Variants in AOAH observed in about 807,000 individuals in gnomAD.
AOAH encodes the protein acyloxyacyl hydrolase (neutrophil).
AOAH carries 64 observed loss-of-function variants against 92.2 expected under a neutral mutation model. That is an observed-to-expected ratio of 0.69 (90% CI 0.57 to 0.86). AOAH has a LOEUF of 0.86. Among genes scored for constraint, AOAH ranks in the 40% least tolerant of loss-of-function variants. The probability of loss-of-function intolerance (pLI) is 0.00; values close to 1 mark genes in which losing one functional copy is unlikely to be tolerated. For synonymous variants in AOAH, 263 were observed against 254.5 expected, an observed-to-expected ratio of 1.03 and a Z score of -0.32; for missense variants, 656 against 694.6, an observed-to-expected ratio of 0.94 and a Z score of 0.62.
chr7:36,711,312 C>T (rs2116965211), intron 1 of AOAH, among the ~76,000 whole-genome samples: 1 of 152,044 alleles, frequency 6.6e-6, no homozygotes. Context: ...TTCCCTTTTC[C>T]ATAACAAATT....
intron 11 of AOAH, among the ~76,000 whole-genome samples, chr7:36,597,533 C>A (rs1264202738): frequency 6.6e-6 from 1 of 152,144 alleles, no homozygotes; most frequent in Non-Finnish European, 1.5e-5. Flanking sequence ...AAGTGGCTTG[C>A]GAGATGCAGG....
chr7:36,618,341 A>G lies in AOAH; in HGVS notation c.707T>C (p.Val236Ala), dbSNP rs1225695763. The change falls in exon 10 of 21, where the codon GTC becomes GCC. Residue 236 changes from valine to alanine, a missense_variant. By Grantham distance (64) the Val-to-Ala change is moderately conservative (BLOSUM62 0). Coordinates refer to ENST00000617537, the MANE Select transcript of AOAH (RefSeq NM_001637.4). ...QDSNCNGIWG[V>A]DPKDGVPYEK... ...ATATGGAACTCCATCTTTTGGATCG[A>G]CACCCTTTAAAAAAGAAACGATGTG... The G allele has an allele frequency of 6.2e-7, 1 of 1,614,034 alleles. No homozygotes were observed. The highest frequency in any genetic ancestry group is 1.1e-5 in the South Asian group (1 of 91,078).
intron 3 of AOAH, among the ~76,000 whole-genome samples, chr7:36,670,859 AGTATT>A (rs10540242): frequency 0.78 from 118,713 of 151,628 alleles, 46,850 homozygotes; most frequent in East Asian, 0.93. Flanking sequence ...TGCAGTGATG[AGTATT>A]GTGTCTGTCC....
chr7:36,539,863 C>T (rs772309589), intron 16 of AOAH, among the ~76,000 whole-genome samples: 3 of 152,122 alleles, frequency 2.0e-5, no homozygotes, highest in Non-Finnish European at 4.4e-5. Flanking sequence ...TAAAGCCTTT[C>T]GGAGCTAAGG....
rs117555673 is a variant in AOAH at position 36,564,674 on chromosome 7, C to A, written c.1021+11900G>T. On this transcript the variant is annotated intron_variant, in intron 13 of 20. Transcript: ENST00000617537. ...CCCGCTAGGACTTCAGGAGCCCTGG[C>A]CATTGCCAATGACATTAAAAACATG... Among the ~76,000 whole-genome samples, 1,145 of 152,364 alleles carry A rather than the reference C, an allele frequency of 7.5e-3. 7 individuals carry two copies. The highest frequency in any genetic ancestry group is 0.017 in the Middle Eastern group (5 of 294).
chr7:36,622,977 T>C (rs1792391871), intron 7 of AOAH, among the ~76,000 whole-genome samples: 1 of 152,104 alleles, frequency 6.6e-6, no homozygotes, highest in African/African-American at 2.4e-5. Flanking sequence ...GAGGCAGAGG[T>C]TGCAGTGAGT....
chr7:36,629,994 C>A (rs533461351), intron 6 of AOAH, among the ~76,000 whole-genome samples: 1 of 152,216 alleles, frequency 6.6e-6, no homozygotes, highest in African/African-American at 2.4e-5. Context: ...TGAGTGGTGT[C>A]CTTGTAAAAG....
chr7:36,650,274 T>C (rs1380271230), intron 4 of AOAH, among the ~76,000 whole-genome samples: 1 of 152,218 alleles, frequency 6.6e-6, no homozygotes, highest in Non-Finnish European at 1.5e-5. Context: ...CTAAAACTTC[T>C]AGTTCTCTCT....
intron 5 of AOAH, among the ~76,000 whole-genome samples, chr7:36,636,078 A>C (rs1793501523): frequency 6.6e-6 from 1 of 152,324 alleles, no homozygotes; most frequent in South Asian, 2.1e-4. Flanking sequence ...TATGGAACCT[A>C]CTGAGTGCAG....
intron 13 of AOAH, among the ~76,000 whole-genome samples, chr7:36,568,549 T>C (rs147189570): frequency 1.0e-3 from 157 of 152,300 alleles, no homozygotes; most frequent in African/African-American, 3.7e-3. Context: ...CAGTGCTGTG[T>C]TGAGAAAACA....
chr7:36,560,343 T>C (rs1562569537), intron 13 of AOAH, among the ~76,000 whole-genome samples: 1 of 152,238 alleles, frequency 6.6e-6, no homozygotes, highest in Non-Finnish European at 1.5e-5. Context: ...ATTTTAACAA[T>C]ATTGATTCTT....
intron 6 of AOAH, 74 bp downstream of exon 6, chr7:36,631,962 G>T (rs1793140615): frequency 1.7e-6 from 2 of 1,167,040 alleles, no homozygotes; most frequent in Non-Finnish European, 2.5e-6. Flanking sequence ...GATCATTTTG[G>T]TCATTAGAAA....
At chr7:36,565,709 T>A (rs952964925) in intron 13 of AOAH, among the ~76,000 whole-genome samples, 4 of 151,984 alleles carry the variant, frequency 2.6e-5, no homozygotes, top group African/African-American at 9.7e-5. Context: ...ATTTTTTTTT[T>A]TTATTTAAAT....
intron 1 of AOAH, among the ~76,000 whole-genome samples, chr7:36,718,560 T>TCAACAATGAATAA (rs1799398985): frequency 6.6e-6 from 1 of 152,020 alleles, no homozygotes; most frequent in Non-Finnish European, 1.5e-5. Context: ...ACTCAAATGT[T>TCAACAATGAATAA]CATCAACAAT....
intron 4 of AOAH, among the ~76,000 whole-genome samples, chr7:36,639,453 C>T (rs1056024734): frequency 1.3e-5 from 2 of 152,176 alleles, no homozygotes; most frequent in Admixed American, 1.3e-4. Context: ...CAGAGCCTCG[C>T]ACAGTCCTTG....
At chr7:36,626,751 C>T (rs546756071) in intron 6 of AOAH, among the ~76,000 whole-genome samples, 1 of 152,208 alleles carries the variant, frequency 6.6e-6, no homozygotes, top group South Asian at 2.1e-4. Context: ...AATTTCAAAT[C>T]ATATCTGGCT....
chr7:36,555,175 T>C (rs1411440201), intron 13 of AOAH, among the ~76,000 whole-genome samples: 2 of 151,028 alleles, frequency 1.3e-5, no homozygotes, highest in East Asian at 1.9e-4. Flanking sequence ...ACCTAATTTA[T>C]TGAGAGTTTT....
chr7:36,610,478 T>C (rs1326275691), intron 11 of AOAH, among the ~76,000 whole-genome samples: 1 of 148,660 alleles, frequency 6.7e-6, no homozygotes, highest in African/African-American at 2.5e-5. Flanking sequence ...TAAAATTAGC[T>C]CTATCATTGG....
At chr7:36,607,943 T>A (rs1279233580) in intron 11 of AOAH, among the ~76,000 whole-genome samples, 1 of 152,206 alleles carries the variant, frequency 6.6e-6, no homozygotes, top group Non-Finnish European at 1.5e-5. Flanking sequence ...TGGTGGAGTG[T>A]GTGCATTCTC....
Sources: allele counts gnomAD v4.1 joint callset (sites outside exome capture counted in the v4.1 genomes callset), GRCh38; gene constraint gnomAD v4.1.1; transcripts MANE v1.5; gene names NCBI Gene and HGNC (gene_info 2026-07-23, HGNC 2026-07-21).